The following SDK2 variants were observed in gnomAD, a reference collection of about 807,000 sequenced individuals.
SDK2 encodes the protein protein sidekick-2.
SDK2 carries 105 observed loss-of-function variants against 253.9 expected under a neutral mutation model. The ratio of observed to expected loss-of-function variants is 0.41; its 90% CI spans 0.35 to 0.49. SDK2 has a LOEUF of 0.49. SDK2 is among the 20% of genes least tolerant of loss of function. The pLI, the probability that SDK2 is intolerant of heterozygous loss-of-function variation, is 0.06. For synonymous variants in SDK2, 1,249 were observed against 1,234.9 expected, an observed-to-expected ratio of 1.01 and a Z score of -0.24; for missense variants, 2,608 against 3,003.0, an observed-to-expected ratio of 0.87 and a Z score of 3.07.
Position 73,431,176 on chromosome 17 carries a change from G to A in SDK2, c.1480+326C>T, listed in dbSNP as rs373377092. On this transcript the variant is annotated intron_variant, in intron 11 of 44. Coordinates refer to ENST00000392650, the MANE Select transcript of SDK2 (RefSeq NM_001144952.2). This position sits in a 1 kb window ranked among gnomAD's most constrained non-coding sequence, Gnocchi z 5.6. ...TGACAGAGACCGTCTGGCCCACACA[G>A]CTTAAAATATTTATGATCTGGCCCT... 2.2e-4 allele frequency among the ~76,000 whole-genome samples: 33 copies of A among 152,326 alleles called. No individual in the cohort carries two copies. The East Asian group carries it at 6.4e-3, about 29-fold the overall frequency.
At chr17:73,556,214 G>T (rs139893986) in intron 1 of SDK2, among the ~76,000 whole-genome samples, 2 of 152,198 alleles carry the variant, frequency 1.3e-5, no homozygotes, top group South Asian at 4.2e-4. Context: ...ATGGGAAGCG[G>T]CAGGTTCTTT....
At chr17:73,370,551 C>A (rs1056055651) in intron 36 of SDK2, among the ~76,000 whole-genome samples, 4 of 151,072 alleles carry the variant, frequency 2.6e-5, no homozygotes, top group Middle Eastern at 3.4e-3. Context: ...CCCTCTCTCC[C>A]ATTTTATTTT....
intron 12 of SDK2, among the ~76,000 whole-genome samples, chr17:73,428,528 G>T (rs1359101101): frequency 2.0e-5 from 3 of 152,094 alleles, no homozygotes; most frequent in Non-Finnish European, 4.4e-5. Context: ...TATTAGGTTG[G>T]TGCAAAAGTA....
rs979937009 is a variant in SDK2, at chr17:73,533,152, C to G, written c.65-25555G>C. On this transcript the variant is annotated intron_variant, in intron 1 of 44. Transcript: ENST00000392650. Reference sequence around the variant, plus strand: ...AGTGCAGCGCTCCATCAAGCAAGGCCCAGAGAGGTCCCCTCATCGGTATCC... The same window carrying G: ...AGTGCAGCGCTCCATCAAGCAAGGCGCAGAGAGGTCCCCTCATCGGTATCC... Among the ~76,000 whole-genome samples, 12 of 152,172 alleles carry G rather than the reference C, an allele frequency of 7.9e-5. No individual in the cohort carries two copies. In the East Asian group the frequency reaches 2.1e-3, roughly 27 times the overall value.
At chr17:73,375,230 C>T (rs927815843) in intron 36 of SDK2, among the ~76,000 whole-genome samples, 3 of 58,578 alleles carry the variant, frequency 5.1e-5, no homozygotes, top group African/African-American at 7.1e-5. Flanking sequence ...TCCTAACAAC[C>T]TTTTTTTTTT....
chr17:73,397,890 G>A, intron 24 of SDK2, 145 bp downstream of exon 24: 1 of 933,626 alleles, frequency 1.1e-6, no homozygotes, highest in Non-Finnish European at 1.6e-6. Flanking sequence ...TTGTTCGTTG[G>A]GCTAAGATGT....
chr17:73,533,163 C>T (rs146571785), intron 1 of SDK2, among the ~76,000 whole-genome samples: 285 of 152,322 alleles, frequency 1.9e-3, no homozygotes, highest in Non-Finnish European at 3.2e-3. Context: ...CAGAGAGGTC[C>T]CCTCATCGGT....
intron 16 of SDK2, among the ~76,000 whole-genome samples, chr17:73,418,517 C>T (rs187750033): frequency 6.6e-6 from 1 of 152,240 alleles, no homozygotes; most frequent in Non-Finnish European, 1.5e-5. Context: ...CAGTTAAACC[C>T]CTGTGAGGGT....
At chr17:73,422,507 C>T (rs541432952) in intron 14 of SDK2, 73 bp from the exon 15 acceptor site, 15 of 1,518,022 alleles carry the variant, frequency 9.9e-6, no homozygotes, top group Admixed American at 1.7e-5. Flanking sequence ...TCCCCACTCC[C>T]AGCAGGGTCC....
At chr17:73,493,568 C>G (rs940546844) in intron 2 of SDK2, among the ~76,000 whole-genome samples, 1 of 152,192 alleles carries the variant, frequency 6.6e-6, no homozygotes, top group Non-Finnish European at 1.5e-5. Context: ...CCTAGCTCCC[C>G]GCTAATTTGC....
chr17:73,612,981 C>T lies in SDK2; in HGVS notation c.64+31044G>A, dbSNP rs1346326292. On this transcript the variant is annotated intron_variant, in intron 1 of 44. Transcript: ENST00000392650. This position sits in a 1 kb window ranked among gnomAD's most constrained non-coding sequence, Gnocchi z 4.4. ...CAGCCTACCAGATGTTTAGTATACA[C>T]CAGGCTCTGTGCGACATGCTGTCTG... is the stretch of plus-strand genomic sequence containing the variant. 6.6e-6 allele frequency among the ~76,000 whole-genome samples: 1 copy of T among 152,144 alleles called. No homozygotes were observed. Among genetic ancestry groups the T allele is most frequent in the African/African-American group, 2.4e-5 (1 of 41,410 alleles).
At chr17:73,638,828 G>A (rs1221535663) in intron 1 of SDK2, among the ~76,000 whole-genome samples, 1 of 113,296 alleles carries the variant, frequency 8.8e-6, no homozygotes, top group South Asian at 3.1e-4. Flanking sequence ...TTTTTTTAAT[G>A]AGACAGGGTC....
chr17:73,604,770 A>G (rs1278526346), intron 1 of SDK2, among the ~76,000 whole-genome samples: 1 of 152,148 alleles, frequency 6.6e-6, no homozygotes, highest in African/African-American at 2.4e-5. Context: ...CGGTGGGGCT[A>G]AGGGAAGGAC....
In SDK2 at chr17:73,440,855, C is replaced by A. The variant is rs1429317589; in HGVS notation, c.682G>T (p.Ala228Ser). The change falls in exon 6 of 45, where the codon GCC (alanine) becomes TCC (serine). Residue 228 changes from alanine to serine, a missense_variant. By Grantham distance (99) the Ala-to-Ser change is moderately conservative (BLOSUM62 1). This residue lies in a region of SDK2 where 1,505 missense variants were observed against 1,859.1 expected (regional missense o/e 0.81). Coordinates refer to ENST00000392650, the MANE Select transcript of SDK2 (RefSeq NM_001144952.2). Reference sequence around the variant, plus strand: ...TCCAAGGTAACCTCTGAGGTGCCGGCCACCACGCTGGTGTTTTTAGGTGGG... The same window carrying A: ...TCCAAGGTAACCTCTGAGGTGCCGGACACCACGCTGGTGTTTTTAGGTGGG... ...IIPPKNTSVV[A>S]GTSEVTLECV... 3.2e-6 allele frequency: 5 copies of A among 1,551,704 alleles called. No individual in the cohort carries two copies. In the South Asian group the frequency reaches 5.9e-5, roughly 18 times the overall value.
chr17:73,487,781 G>A (rs1415526836), intron 2 of SDK2, among the ~76,000 whole-genome samples: 2 of 152,170 alleles, frequency 1.3e-5, no homozygotes, highest in Non-Finnish European at 2.9e-5. Context: ...GGAGGTCAGG[G>A]TGCTGCCTCA....
At chr17:73,582,382 C>T (rs1212697386) in intron 1 of SDK2, among the ~76,000 whole-genome samples, 1 of 152,230 alleles carries the variant, frequency 6.6e-6, no homozygotes, top group Non-Finnish European at 1.5e-5. Context: ...GGGGTGCACA[C>T]CACGCAGGCA....
At position 73,383,776 on chromosome 17, in the gene SDK2, C is replaced by T; in HGVS notation, c.4705+100G>A. 1.4e-6 allele frequency: 2 copies of T among 1,459,192 alleles called. No homozygotes were observed. The highest frequency in any genetic ancestry group is 2.5e-5 in the South Asian group (2 of 79,994). The allele number at this position is 1,459,192 out of a possible 1,614,324, so 90.4% of individuals were successfully genotyped here. A position where few individuals can be genotyped will look rare whatever the true frequency, so the allele number is the denominator to read the frequency against. ...CACATGGAGGAGGGAGGCAAGGTTT[C>T]AGGTTAGAGTGGTTCCAGGAAGCTG... is the stretch of plus-strand genomic sequence containing the variant. On this transcript the variant is annotated intron_variant, in intron 33 of 44. Coordinates refer to ENST00000392650, the MANE Select transcript of SDK2 (RefSeq NM_001144952.2). The surrounding 1 kb of genome is among the most constrained non-coding windows in gnomAD (Gnocchi z 4.3).
intron 5 of SDK2, among the ~76,000 whole-genome samples, chr17:73,446,691 A>G (rs7219778): frequency 0.56 from 85,776 of 152,036 alleles, 24,446 homozygotes; most frequent in African/African-American, 0.61. Flanking sequence ...AATGAGGCTT[A>G]CTTTGGGAGC....
intron 3 of SDK2, among the ~76,000 whole-genome samples, chr17:73,470,364 T>G (rs1368139656): frequency 6.6e-6 from 1 of 152,008 alleles, no homozygotes; most frequent in Non-Finnish European, 1.5e-5. Context: ...CAGACACATG[T>G]GAACAAAAAG....
Sources: allele counts gnomAD v4.1 joint callset (sites outside exome capture counted in the v4.1 genomes callset), GRCh38; gene constraint gnomAD v4.1.1; regional missense constraint gnomAD v4.1.1; non-coding constraint Gnocchi (gnomAD v3.1); transcripts MANE v1.5; gene names NCBI Gene and HGNC (gene_info 2026-07-23, HGNC 2026-07-21).